Variants in TEC observed in about 807,000 individuals in gnomAD.
TEC encodes tyrosine-protein kinase Tec.
In TEC, 72 loss-of-function variants were observed where a neutral mutation model predicts 93.0. The observed-to-expected ratio is 0.77, with a 90% CI of 0.64 to 0.94. TEC has a LOEUF of 0.94. TEC is among the 40% of genes least tolerant of loss of function. TEC has a pLI of 0.00. For missense variants in TEC, 630 were observed against 757.9 expected, an observed-to-expected ratio of 0.83 and a Z score of 1.98; for synonymous variants, 249 against 247.7, an observed-to-expected ratio of 1.01 and a Z score of -0.05.
chr4:48,211,342 T>A (rs73814695), intron 2 of TEC, among the ~76,000 whole-genome samples: 2,924 of 152,282 alleles, frequency 0.019, 33 homozygotes, highest in African/African-American at 0.038. Context: ...TGCAGATATT[T>A]TCATCAGAAC....
intron 14 of TEC, among the ~76,000 whole-genome samples, chr4:48,142,426 T>G (rs1719717502): frequency 6.6e-6 from 1 of 151,996 alleles, no homozygotes. Flanking sequence ...TGAGCAGAGA[T>G]CGCGCCACTG....
At chr4:48,191,669 A>G (rs1433657320) in intron 2 of TEC, among the ~76,000 whole-genome samples, 1 of 151,770 alleles carries the variant, frequency 6.6e-6, no homozygotes, top group African/African-American at 2.4e-5. Flanking sequence ...ATCAATTACC[A>G]TGGAAATGTA....
chr4:48,171,218 C>A, intron 4 of TEC, 150 bp downstream of exon 4: 1 of 641,064 alleles, frequency 1.6e-6, no homozygotes, highest in Non-Finnish European at 2.6e-6. Flanking sequence ...GCTGGTATAA[C>A]TTACAACAAC....
intron 1 of TEC, among the ~76,000 whole-genome samples, chr4:48,239,467 T>C (rs1418401517): frequency 6.7e-6 from 1 of 150,340 alleles, no homozygotes; most frequent in East Asian, 1.9e-4. Flanking sequence ...TTCTTGCTAC[T>C]GCAGAGGGAA....
At chr4:48,151,528 A>T (rs1485833178) in intron 9 of TEC, among the ~76,000 whole-genome samples, 1 of 152,094 alleles carries the variant, frequency 6.6e-6, no homozygotes, top group Non-Finnish European at 1.5e-5. Context: ...ACATTATTGC[A>T]CAGGCTGGAG....
intron 1 of TEC, among the ~76,000 whole-genome samples, chr4:48,250,030 A>G (rs1394584972): frequency 1.3e-5 from 2 of 152,206 alleles, no homozygotes; most frequent in African/African-American, 4.8e-5. Flanking sequence ...TAACTCCAAA[A>G]TCTACATCTT....
At chr4:48,204,226 G>A (rs1343504668) in intron 2 of TEC, among the ~76,000 whole-genome samples, 2 of 152,116 alleles carry the variant, frequency 1.3e-5, no homozygotes, top group African/African-American at 2.4e-5. Context: ...CAAACAAAAT[G>A]GTTCATGCTG....
At chr4:48,215,751 A>C (rs1329491148) in intron 2 of TEC, among the ~76,000 whole-genome samples, 2 of 152,174 alleles carry the variant, frequency 1.3e-5, no homozygotes, top group Non-Finnish European at 2.9e-5. Context: ...GATGGTATCC[A>C]TTATAACAAC....
intron 9 of TEC, among the ~76,000 whole-genome samples, chr4:48,152,556 C>T (rs1017136271): frequency 1.3e-5 from 2 of 152,090 alleles, no homozygotes; most frequent in Admixed American, 6.5e-5. Flanking sequence ...ATTTAATCAT[C>T]GAAACAGTCC....
intron 2 of TEC, among the ~76,000 whole-genome samples, chr4:48,218,361 G>A (rs1369705056): frequency 6.6e-6 from 1 of 152,150 alleles, no homozygotes; most frequent in African/African-American, 2.4e-5. Context: ...GGCTTGCTAT[G>A]TTGCCCAGGC....
At chr4:48,269,583 A>C (rs943835149) in intron 1 of TEC, among the ~76,000 whole-genome samples, 169 bp downstream of exon 1, 1 of 152,258 alleles carries the variant, frequency 6.6e-6, no homozygotes, top group Non-Finnish European at 1.5e-5. Context: ...GAGGGGACCC[A>C]GAGACGGCGC....
chr4:48,239,619 G>C (rs1434838174), intron 1 of TEC, among the ~76,000 whole-genome samples: 3 of 152,014 alleles, frequency 2.0e-5, no homozygotes, highest in African/African-American at 7.2e-5. Context: ...TTGTTCCTTG[G>C]CCACAGTATT....
At chr4:48,223,144 C>T (rs1486592589) in intron 2 of TEC, among the ~76,000 whole-genome samples, 4 of 116,326 alleles carry the variant, frequency 3.4e-5, no homozygotes, top group South Asian at 2.5e-4. Flanking sequence ...ACAATATATA[C>T]ACAAAAAAAT....
At chr4:48,197,812 A>G (rs1301220979) in intron 2 of TEC, among the ~76,000 whole-genome samples, 1 of 152,176 alleles carries the variant, frequency 6.6e-6, no homozygotes, top group Non-Finnish European at 1.5e-5. Context: ...CTAGTTCCAC[A>G]CCACACCCAA....
intron 1 of TEC, among the ~76,000 whole-genome samples, chr4:48,251,406 C>G (rs144613391): frequency 3.1e-3 from 472 of 152,300 alleles, no homozygotes; most frequent in Non-Finnish European, 5.3e-3. Context: ...AAAAAAAGAC[C>G]TTCCTTTGAC....
At chr4:48,215,919 G>A (rs999840533) in intron 2 of TEC, among the ~76,000 whole-genome samples, 15 of 152,158 alleles carry the variant, frequency 9.9e-5, no homozygotes, top group African/African-American at 3.4e-4. Flanking sequence ...AGGTGACCTG[G>A]AGCAAACCAT....
At chr4:48,152,481 G>A (rs1055992899) in intron 9 of TEC, among the ~76,000 whole-genome samples, 2 of 150,674 alleles carry the variant, frequency 1.3e-5, no homozygotes, top group Non-Finnish European at 3.0e-5. Flanking sequence ...AATAAATACA[G>A]TCTAACAGCA....
At chr4:48,186,175 C>A (rs568019736) in intron 2 of TEC, among the ~76,000 whole-genome samples, 2 of 152,354 alleles carry the variant, frequency 1.3e-5, no homozygotes, top group Admixed American at 6.5e-5. Flanking sequence ...GTTGCCCAGG[C>A]TGGAGTGCAG....
chr4:48,145,586 G>T lies in TEC; in HGVS notation c.1082-7C>A, dbSNP rs756981918. 3.5e-5 allele frequency: 57 copies of T among 1,613,000 alleles called. 1 individual carries two copies. The South Asian group carries it at 6.0e-4, about 17-fold the overall frequency. Reference sequence around the variant, plus strand: ...GGGTTAATCTCCCATTTCTCTGCAGGACAGAAAGTGAAAGTGTTCATATTT... The same window carrying T: ...GGGTTAATCTCCCATTTCTCTGCAGTACAGAAAGTGAAAGTGTTCATATTT... On this transcript the variant is annotated splice_region_variant and splice_polypyrimidine_tract_variant and intron_variant, in intron 12 of 17. Coordinates refer to ENST00000381501, the MANE Select transcript of TEC (RefSeq NM_003215.3).
Sources: allele counts gnomAD v4.1 joint callset (sites outside exome capture counted in the v4.1 genomes callset), GRCh38; gene constraint gnomAD v4.1.1; transcripts MANE v1.5; gene names NCBI Gene and HGNC (gene_info 2026-07-23, HGNC 2026-07-21).